The following SLC8A1 variants were observed in gnomAD, a reference collection of about 807,000 sequenced individuals.
SLC8A1 encodes the protein solute carrier family 8 member A1.
Under a neutral mutation model 68.3 loss-of-function variants are expected in SLC8A1, and 18 were observed. The observed-to-expected ratio is 0.26, with a 90% CI of 0.18 to 0.39. The LOEUF (loss-of-function observed/expected upper bound fraction) is 0.39, where lower values mean the gene tolerates loss of function less well. Among genes scored for constraint, SLC8A1 ranks in the 10% least tolerant of loss-of-function variants. SLC8A1 has a pLI of 1.00. For missense variants in SLC8A1, 985 were observed against 1,156.7 expected, an observed-to-expected ratio of 0.85 and a Z score of 2.15; for synonymous variants, 475 against 415.5, an observed-to-expected ratio of 1.14 and a Z score of -1.74.
intron 6 of SLC8A1, among the ~76,000 whole-genome samples, chr2:40,149,185 T>G (rs141666269): frequency 6.6e-6 from 1 of 152,322 alleles, no homozygotes; most frequent in East Asian, 1.9e-4. Flanking sequence ...CTAGGAAATC[T>G]TCAAAGGGAA....
chr2:40,436,352 G>C (rs1314203517), intron 1 of SLC8A1, among the ~76,000 whole-genome samples: 1 of 152,112 alleles, frequency 6.6e-6, no homozygotes, highest in South Asian at 2.1e-4. Context: ...GTTAAAAAAT[G>C]TTGTCTGTGT....
chr2:40,226,165 C>G (rs1205918328), intron 2 of SLC8A1, among the ~76,000 whole-genome samples: 1 of 152,054 alleles, frequency 6.6e-6, no homozygotes, highest in Non-Finnish European at 1.5e-5. Flanking sequence ...TTCACAAGCA[C>G]AGGGGAGCCT....
chr2:40,385,457 TG>T (rs1478771334), intron 2 of SLC8A1, among the ~76,000 whole-genome samples: 7 of 13,910 alleles, frequency 5.0e-4, no homozygotes, highest in Non-Finnish European at 9.5e-4. Flanking sequence ...TTTTGGAAAC[TG>T]TATCAATTGC....
At chr2:40,195,239 G>A (rs1044155801) in intron 2 of SLC8A1, among the ~76,000 whole-genome samples, 1 of 152,066 alleles carries the variant, frequency 6.6e-6, no homozygotes, top group African/African-American at 2.4e-5. Flanking sequence ...TGAGTATCTG[G>A]AAGAACACAT....
In SLC8A1 at chr2:40,160,657, T is replaced by C. The variant is rs189213182; in HGVS notation, c.2161+108A>G. ...AATAAACTTATTTCTCCCTTAATTTTGCCATGGAAGCCCTTTGGTGCTTTG... is the reference window on the plus strand; with the variant it reads ...AATAAACTTATTTCTCCCTTAATTTCGCCATGGAAGCCCTTTGGTGCTTTG... On this transcript the variant is annotated intron_variant, in intron 6 of 7. Coordinates refer to ENST00000406785, the Ensembl canonical transcript of SLC8A1. The C allele has an allele frequency of 3.4e-3, 2,955 of 858,434 alleles. 16 individuals are homozygous for C. Among genetic ancestry groups the C allele is most frequent in the Non-Finnish European group, 4.1e-3 (2,087 of 513,742 alleles). The allele number at this position is 858,434 out of a possible 1,614,324, so 53.2% of individuals were successfully genotyped here.
intron 2 of SLC8A1, among the ~76,000 whole-genome samples, chr2:40,230,117 G>A (rs938734460): frequency 6.6e-6 from 1 of 152,150 alleles, no homozygotes; most frequent in African/African-American, 2.4e-5. Context: ...CCACTTGGGA[G>A]CTTTTTCTTA....
intron 2 of SLC8A1, among the ~76,000 whole-genome samples, chr2:40,345,206 C>A (rs1668864649): frequency 6.6e-6 from 1 of 152,090 alleles, no homozygotes; most frequent in Non-Finnish European, 1.5e-5. Context: ...TCTCCTGTGG[C>A]CACAATCAAA....
At chr2:40,358,048 G>GAAAAAAAAAAAAAAAAAAAAAAAA (rs776231355) in intron 2 of SLC8A1, among the ~76,000 whole-genome samples, 2 of 77,706 alleles carry the variant, frequency 2.6e-5, no homozygotes, top group Non-Finnish European at 5.0e-5. Context: ...GCAACTGAAG[G>GAAAAAAAAAAAAAAAAAAAAAAAA]AAAAAAAAAA....
intron 6 of SLC8A1, among the ~76,000 whole-genome samples, chr2:40,147,296 G>A (rs769828209): frequency 2.0e-4 from 31 of 152,176 alleles, no homozygotes; most frequent in Non-Finnish European, 3.1e-4. Context: ...TTAGTCATGT[G>A]TGTTTTTGCC....
chr2:40,225,055 T>C (rs2058798955), intron 2 of SLC8A1, among the ~76,000 whole-genome samples: 1 of 152,152 alleles, frequency 6.6e-6, no homozygotes, highest in Non-Finnish European at 1.5e-5. Context: ...AGACAACAGC[T>C]TCCCTGAAGG....
chr2:40,200,804 A>AT (rs2148708701), intron 2 of SLC8A1, among the ~76,000 whole-genome samples: 1 of 151,984 alleles, frequency 6.6e-6, no homozygotes, highest in South Asian at 2.1e-4. Flanking sequence ...AATTGACTTC[A>AT]TGCTTCTTAT....
intron 2 of SLC8A1, among the ~76,000 whole-genome samples, chr2:40,252,798 GTATATA>G (rs2062986086): frequency 1.3e-5 from 2 of 150,488 alleles, no homozygotes; most frequent in African/African-American, 4.9e-5. Flanking sequence ...ATATGTGTGT[GTATATA>G]TGTACATATA....
intron 1 of SLC8A1, among the ~76,000 whole-genome samples, chr2:40,495,980 G>C (rs973606911): frequency 2.6e-5 from 4 of 151,816 alleles, no homozygotes; most frequent in Non-Finnish European, 5.9e-5. Flanking sequence ...TTTATCTATC[G>C]GTCTAATCTA....
At chr2:40,276,894 G>A (rs1388404979) in intron 2 of SLC8A1, among the ~76,000 whole-genome samples, 1 of 152,130 alleles carries the variant, frequency 6.6e-6, no homozygotes, top group East Asian at 1.9e-4. Context: ...AGAATTTTGT[G>A]GAAAAAACTT....
intron 6 of SLC8A1, among the ~76,000 whole-genome samples, chr2:40,151,852 T>C (rs1419019593): frequency 6.6e-6 from 1 of 152,212 alleles, no homozygotes; most frequent in Non-Finnish European, 1.5e-5. Flanking sequence ...AAAGATAAAG[T>C]ACTAGTTTTC....
At chr2:40,264,915 C>G (rs913588335) in intron 2 of SLC8A1, among the ~76,000 whole-genome samples, 12 of 152,146 alleles carry the variant, frequency 7.9e-5, no homozygotes, top group African/African-American at 2.4e-4. Flanking sequence ...GACAGCAGTA[C>G]TGTATCATTT....
intron 1 of SLC8A1, among the ~76,000 whole-genome samples, chr2:40,497,971 A>G (rs1705817140): frequency 6.6e-6 from 1 of 151,998 alleles, no homozygotes; most frequent in African/African-American, 2.4e-5. Flanking sequence ...TATGTAATAT[A>G]AGAGGCAGAT....
intron 2 of SLC8A1, among the ~76,000 whole-genome samples, chr2:40,372,188 T>A (rs937259409): frequency 6.6e-6 from 1 of 152,014 alleles, no homozygotes. Context: ...ACAGAAAACT[T>A]TAATCCTCCA....
exon 7 of SLC8A1, chr2:40,139,613 A>G: frequency 1.2e-6 from 2 of 1,614,166 alleles, no homozygotes; most frequent in Non-Finnish European, 1.7e-6. Context: ...CAGAAAGTGC[A>G]TCACGTAATC....
Sources: gnomAD v4.1 joint callset for allele counts (sites outside exome capture counted in the v4.1 genomes callset) on GRCh38, gnomAD v4.1.1 for gene constraint, MANE v1.5 for transcripts, NCBI Gene and HGNC (gene_info 2026-07-23, HGNC 2026-07-21) for gene names.